Variants in HHLA1 observed in about 807,000 individuals in gnomAD.
HHLA1 encodes the protein HHLA1 neighbor of OC90.
In HHLA1, 72 loss-of-function variants were observed where a neutral mutation model predicts 69.9. The ratio of observed to expected loss-of-function variants is 1.03; its 90% CI spans 0.85 to 1.25. The LOEUF (loss-of-function observed/expected upper bound fraction) is 1.25. HHLA1 is among the 50% of genes most tolerant of loss of function. The pLI, the probability that HHLA1 is intolerant of heterozygous loss-of-function variation, is 0.00. For missense variants in HHLA1, 685 were observed against 642.2 expected, an observed-to-expected ratio of 1.07 and a Z score of -0.72; for synonymous variants, 252 against 233.2, an observed-to-expected ratio of 1.08 and a Z score of -0.73.
At chr8:132,102,241 C>T (rs1473863273) in intron 3 of HHLA1, among the ~76,000 whole-genome samples, 1 of 152,152 alleles carries the variant, frequency 6.6e-6, no homozygotes, top group Admixed American at 6.5e-5. Flanking sequence ...CCTGTTTATC[C>T]GTCAATGGAC....
chr8:132,096,349 T>C (rs1824026661), intron 5 of HHLA1, among the ~76,000 whole-genome samples: 1 of 152,218 alleles, frequency 6.6e-6, no homozygotes, highest in South Asian at 2.1e-4. Context: ...ACAACACAAA[T>C]AATCCTGGAC....
intron 11 of HHLA1, among the ~76,000 whole-genome samples, chr8:132,079,374 G>T (rs1823700967): frequency 6.6e-6 from 1 of 152,216 alleles, no homozygotes; most frequent in Non-Finnish European, 1.5e-5. Context: ...TTGCCACAAT[G>T]TACTGTGATT....
chr8:132,109,341 T>C (rs1824258879), intron 1 of HHLA1, among the ~76,000 whole-genome samples: 1 of 152,192 alleles, frequency 6.6e-6, no homozygotes, highest in Non-Finnish European at 1.5e-5. Context: ...GGCCTCGGTC[T>C]CCCAAAGTGC....
intron 15 of HHLA1, among the ~76,000 whole-genome samples, chr8:132,069,135 T>C (rs2130875332): frequency 6.6e-6 from 1 of 152,306 alleles, no homozygotes; most frequent in East Asian, 1.9e-4. Flanking sequence ...CCATCTTTGC[T>C]GCAGCTACAT....
rs200396937 is a variant in HHLA1 at position 132,104,146 on chromosome 8, G to T, written c.101C>A (p.Ala34Asp). Residue 34 changes from alanine (A) to aspartate (D), a missense_variant, in exon 3 of 17, where the codon GCC (alanine) becomes GAC (aspartate). Physicochemically the swap from Ala to Asp is moderately radical, Grantham distance 126. Coordinates refer to ENST00000414222, the MANE Select transcript of HHLA1 (RefSeq NM_001145095.3). ...AAAGGTCATTCCCTTCTCTTTCTTG[G>T]CTTCTCCTTTGATGCCAGACACTAA... ...WNTVSGIKGE[A>D]KKEKGMTFLP... The T allele has an allele frequency of 6.4e-7, 1 of 1,550,640 alleles. No individual in the cohort carries two copies.
At chr8:132,068,022 C>G (rs1823469969) in intron 15 of HHLA1, among the ~76,000 whole-genome samples, 1 of 152,224 alleles carries the variant, frequency 6.6e-6, no homozygotes, top group Admixed American at 6.5e-5. Flanking sequence ...GCCAGTGTAA[C>G]AATCTGCAAG....
intron 3 of HHLA1, among the ~76,000 whole-genome samples, chr8:132,100,570 T>C (rs964699371): frequency 3.3e-5 from 5 of 152,152 alleles, no homozygotes; most frequent in Non-Finnish European, 7.3e-5. Flanking sequence ...AAGGAGAAAA[T>C]GTCAAAGAAA....
chr8:132,080,420 C>T (rs1823730675), intron 10 of HHLA1: 3 of 299,708 alleles, frequency 1.0e-5, no homozygotes, highest in East Asian at 9.3e-5. Flanking sequence ...GGTTTGTTCT[C>T]TGGCGGGCAG....
chr8:132,077,463 G>A (rs1823664214), intron 12 of HHLA1, among the ~76,000 whole-genome samples: 3 of 151,930 alleles, frequency 2.0e-5, no homozygotes, highest in African/African-American at 7.3e-5. Flanking sequence ...AATGAAACAG[G>A]GAAAAAGAGA....
chr8:132,070,384 G>A (rs1470757470), intron 15 of HHLA1: 8 of 701,834 alleles, frequency 1.1e-5, no homozygotes, highest in South Asian at 1.0e-4. Context: ...GAAAGAACTG[G>A]AATTTAGATA....
chr8:132,070,034 A>T, intron 15 of HHLA1: 1 of 82,582 alleles, frequency 1.2e-5, no homozygotes, highest in African/African-American at 4.4e-5. Context: ...GAGGGGGATG[A>T]AAGATTACAG....
rs577452995 is a variant in HHLA1, at chr8:132,108,630, C to T, written c.-22+2472G>A. ...AATATGCCAGCCAAAATATACTATCCCCTAATAAGCGACTTTGGGCACATG... is the reference window on the plus strand; with the variant it reads ...AATATGCCAGCCAAAATATACTATCTCCTAATAAGCGACTTTGGGCACATG... On this transcript the variant is annotated intron_variant, in intron 1 of 16. Transcript: ENST00000414222. Among the ~76,000 whole-genome samples the T allele has an allele frequency of 5.3e-5, 8 of 151,990 alleles. No individual in the cohort carries two copies. The South Asian group carries it at 1.5e-3, about 28-fold the overall frequency.
intron 15 of HHLA1, among the ~76,000 whole-genome samples, chr8:132,067,789 A>AC (rs1475243851): frequency 6.6e-6 from 1 of 152,246 alleles, no homozygotes; most frequent in Non-Finnish European, 1.5e-5. Context: ...GAGTTGTGCA[A>AC]CATGTGGTCT....
In HHLA1 at chr8:132,093,202, T is replaced by C. The variant is rs1295282382; in HGVS notation, c.448+2317A>G. On this transcript the variant is annotated intron_variant, in intron 7 of 16. Transcript: ENST00000414222. ...TGGATAGATAAGTGGGTTATATAGG[T>C]AGTGTAGACAGCCTTGGATAGCATT... Among the ~76,000 whole-genome samples the C allele has an allele frequency of 2.6e-5, 4 of 152,136 alleles. No individual in the cohort carries two copies. The East Asian group carries it at 7.7e-4, about 29-fold the overall frequency.
intron 10 of HHLA1, among the ~76,000 whole-genome samples, chr8:132,086,852 T>G (rs954260070): frequency 3.5e-5 from 5 of 144,196 alleles, no homozygotes; most frequent in South Asian, 2.2e-4. Flanking sequence ...TGAAGTGGAG[T>G]TGCAGATTTA....
intron 10 of HHLA1, among the ~76,000 whole-genome samples, chr8:132,083,586 G>A (rs917293120): frequency 2.0e-5 from 3 of 152,220 alleles, no homozygotes; most frequent in Non-Finnish European, 4.4e-5. Flanking sequence ...GTGGCTGCCA[G>A]GTGAGTTGAA....
intron 15 of HHLA1, among the ~76,000 whole-genome samples, chr8:132,068,291 C>T (rs190381585): frequency 3.6e-4 from 55 of 152,294 alleles, no homozygotes; most frequent in East Asian, 7.7e-4. Flanking sequence ...GTACACCGCT[C>T]TCAGGATGAA....
chr8:132,101,308 C>A (rs759446042), intron 3 of HHLA1: 31 of 1,547,988 alleles, frequency 2.0e-5, no homozygotes, highest in Non-Finnish European at 2.6e-5. Flanking sequence ...AAATAGTAAC[C>A]TGAAAGTACA....
At chr8:132,088,148 A>T (rs1180517289) in intron 8 of HHLA1, among the ~76,000 whole-genome samples, 1 of 152,190 alleles carries the variant, frequency 6.6e-6, no homozygotes, top group African/African-American at 2.4e-5. Flanking sequence ...CAGCTCTGCC[A>T]CTTACTAGCT....
Sources: allele counts gnomAD v4.1 joint callset (sites outside exome capture counted in the v4.1 genomes callset), GRCh38; gene constraint gnomAD v4.1.1; transcripts MANE v1.5; gene names NCBI Gene and HGNC (gene_info 2026-07-23, HGNC 2026-07-21).